The following NCKAP5 variants were observed in gnomAD, a reference collection of about 807,000 sequenced individuals.
NCKAP5 encodes the protein nck-associated protein 5.
Under a neutral mutation model 167.0 loss-of-function variants are expected in NCKAP5, and 92 were observed. That is an observed-to-expected ratio of 0.55 (90% CI 0.47 to 0.66). The LOEUF (loss-of-function observed/expected upper bound fraction) is 0.66, where lower values mean the gene tolerates loss of function less well. Among genes scored for constraint, NCKAP5 ranks in the 30% least tolerant of loss-of-function variants. The probability of loss-of-function intolerance (pLI) is 0.00; values close to 1 mark genes in which losing one functional copy is unlikely to be tolerated. For synonymous variants in NCKAP5, 891 were observed against 877.4 expected (o/e 1.02, Z -0.27); for missense variants, 2,378 against 2,315.0 (o/e 1.03, Z -0.56).
chr2:133,149,140 T>C (rs1302360969), intron 5 of NCKAP5, among the ~76,000 whole-genome samples: 2 of 152,182 alleles, frequency 1.3e-5, no homozygotes, highest in African/African-American at 4.8e-5. Context: ...GAAAATATAA[T>C]TAAGCCAACC....
chr2:133,167,964 T>A (rs971290736), intron 5 of NCKAP5, among the ~76,000 whole-genome samples: 2 of 152,186 alleles, frequency 1.3e-5, no homozygotes, highest in Non-Finnish European at 2.9e-5. Context: ...ATAACAGTGA[T>A]AAGGTAATAT....
chr2:132,751,381 C>T (rs56398853), intron 16 of NCKAP5, among the ~76,000 whole-genome samples: 43,901 of 151,938 alleles, frequency 0.29, 7,447 homozygotes, highest in Non-Finnish European at 0.39. Context: ...CATGCTTGTA[C>T]GGCCTGCAGA....
At chr2:133,055,158 A>G (rs2079752134) in intron 6 of NCKAP5, among the ~76,000 whole-genome samples, 1 of 152,192 alleles carries the variant, frequency 6.6e-6, no homozygotes, top group South Asian at 2.1e-4. Context: ...TGATACTAAA[A>G]TTAGGGCGTA....
At chr2:132,887,627 C>T (rs1692355855) in intron 8 of NCKAP5, among the ~76,000 whole-genome samples, 1 of 152,102 alleles carries the variant, frequency 6.6e-6, no homozygotes, top group Admixed American at 6.6e-5. Context: ...GGTTTTGCTG[C>T]TCTAGCATGG....
At chr2:133,303,781 T>G (rs1342102131) in intron 3 of NCKAP5, among the ~76,000 whole-genome samples, 2 of 152,166 alleles carry the variant, frequency 1.3e-5, no homozygotes, top group Non-Finnish European at 2.9e-5. Flanking sequence ...GAAAAAAAAT[T>G]AAAGAATTCA....
chr2:132,894,318 C>T (rs1217793243), intron 8 of NCKAP5, among the ~76,000 whole-genome samples: 1 of 152,230 alleles, frequency 6.6e-6, no homozygotes, highest in Non-Finnish European at 1.5e-5. Context: ...AAAGACGACA[C>T]TGAGTTTTAT....
intron 19 of NCKAP5, among the ~76,000 whole-genome samples, chr2:132,677,483 C>A (rs1220483249): frequency 3.9e-5 from 6 of 152,190 alleles, no homozygotes; most frequent in African/African-American, 1.4e-4. Flanking sequence ...CAGCTTTGTG[C>A]AAACAGTCTT....
intron 19 of NCKAP5, among the ~76,000 whole-genome samples, chr2:132,719,780 A>AG (rs1689732780): frequency 6.6e-6 from 1 of 152,182 alleles, no homozygotes; most frequent in Admixed American, 6.5e-5. Flanking sequence ...GGACGATGAG[A>AG]GCGGGAGAGT....
At chr2:133,617,028 A>G in the NCKAP5 span, among the ~76,000 whole-genome samples, 1 of 152,250 alleles carries the variant, frequency 6.6e-6, no homozygotes, top group Non-Finnish European at 1.5e-5. Flanking sequence ...AATCCAGCAT[A>G]TAAACAGAAC....
At chr2:133,621,041 C>T in the NCKAP5 span, among the ~76,000 whole-genome samples, 2 of 152,026 alleles carry the variant, frequency 1.3e-5, no homozygotes, top group African/African-American at 4.8e-5. Flanking sequence ...ACAATGAAAT[C>T]AAGAGGAAAG....
chr2:132,718,305 A>G (rs1315237751), intron 19 of NCKAP5, among the ~76,000 whole-genome samples: 1 of 152,228 alleles, frequency 6.6e-6, no homozygotes, highest in Non-Finnish European at 1.5e-5. Context: ...TCTACTACCC[A>G]GTTCTACTTG....
intron 4 of NCKAP5, among the ~76,000 whole-genome samples, chr2:133,249,012 A>T (rs1395203336): frequency 6.6e-6 from 1 of 152,096 alleles, no homozygotes; most frequent in South Asian, 2.1e-4. Context: ...GATGCCTCTA[A>T]ATTCATTTAA....
chr2:132,969,795 G>T (rs147153086), intron 7 of NCKAP5, among the ~76,000 whole-genome samples: 4 of 152,212 alleles, frequency 2.6e-5, no homozygotes, highest in Non-Finnish European at 4.4e-5. Context: ...AGCCACATCC[G>T]CATGCTGCTC....
In NCKAP5 at chr2:133,126,199, C is replaced by T. The variant is rs1029690636; in HGVS notation, c.341+3779G>A. Among the ~76,000 whole-genome samples, 4 of 152,204 alleles carry T rather than the reference C, an allele frequency of 2.6e-5. No homozygotes were observed. The South Asian group carries it at 6.2e-4, about 24-fold the overall frequency. On this transcript the variant is annotated intron_variant, in intron 6 of 19. Transcript: ENST00000409261. ...TCCCAGCATCTAACTTCATTCTCCGCTTCTCCCTCCATTGACTCACCTTGT... is the reference window on the plus strand; with the variant it reads ...TCCCAGCATCTAACTTCATTCTCCGTTTCTCCCTCCATTGACTCACCTTGT...
intron 5 of NCKAP5, among the ~76,000 whole-genome samples, chr2:133,183,840 C>T (rs995261554): frequency 6.6e-6 from 1 of 152,002 alleles, no homozygotes; most frequent in Non-Finnish European, 1.5e-5. Context: ...TCTACAAAAC[C>T]TCCTAAAATT....
At chr2:133,174,230 T>G (rs141611434) in intron 5 of NCKAP5, among the ~76,000 whole-genome samples, 4 of 152,256 alleles carry the variant, frequency 2.6e-5, no homozygotes, top group African/African-American at 9.6e-5. Context: ...TGTTTCTCAT[T>G]ATTGGAATGA....
the NCKAP5 span, among the ~76,000 whole-genome samples, chr2:133,635,869 A>G: frequency 6.6e-6 from 1 of 152,254 alleles, no homozygotes; most frequent in Non-Finnish European, 1.5e-5. Flanking sequence ...AGCTAGAGGA[A>G]GGAATGAGCC....
At chr2:133,444,409 T>TAGATATAG (rs1190357351) in intron 3 of NCKAP5, among the ~76,000 whole-genome samples, 51 of 138,758 alleles carry the variant, frequency 3.7e-4, no homozygotes, top group African/African-American at 1.4e-3. Context: ...GATAGATAGA[T>TAGATATAG]ATAGATATAG....
chr2:132,754,001 A>G (rs546333510), intron 16 of NCKAP5, among the ~76,000 whole-genome samples: 8 of 152,194 alleles, frequency 5.3e-5, no homozygotes, highest in Non-Finnish European at 1.2e-4. Context: ...CTCGCATTCT[A>G]TACTCCAGCA....
Sources: gnomAD v4.1 joint callset for allele counts (sites outside exome capture counted in the v4.1 genomes callset) on GRCh38, gnomAD v4.1.1 for gene constraint, MANE v1.5 for transcripts, NCBI Gene and HGNC (gene_info 2026-07-23, HGNC 2026-07-21) for gene names.